Variants in MRPL30 observed in about 807,000 individuals in gnomAD.
MRPL30 encodes the protein large ribosomal subunit protein uL30m.
Under a neutral mutation model 17.2 loss-of-function variants are expected in MRPL30, and 10 were observed. The ratio of observed to expected loss-of-function variants is 0.58; its 90% CI spans 0.36 to 0.99. The LOEUF is 0.99. Among genes scored for constraint, MRPL30 ranks in the 50% least tolerant of loss-of-function variants. The pLI, the probability that MRPL30 is intolerant of heterozygous loss-of-function variation, is 0.01. For missense variants in MRPL30, 170 were observed against 189.8 expected, an observed-to-expected ratio of 0.90 and a Z score of 0.61; for synonymous variants, 61 against 62.1, an observed-to-expected ratio of 0.98 and a Z score of 0.08.
chr2:99,181,750 A>G (rs2093922562), intron 1 of MRPL30, among the ~76,000 whole-genome samples: 1 of 152,120 alleles, frequency 6.6e-6, no homozygotes, highest in Non-Finnish European at 1.5e-5. Flanking sequence ...AGACCTACCA[A>G]AAGCTGTTTG....
intron 3 of MRPL30, among the ~76,000 whole-genome samples, chr2:99,190,539 C>T (rs2093943175): frequency 6.6e-6 from 1 of 152,186 alleles, no homozygotes; most frequent in South Asian, 2.1e-4. Flanking sequence ...GCCTGGGCAA[C>T]AGAGTGAGAC....
chr2:99,195,864 C>G lies in MRPL30; in HGVS notation c.*159C>G, dbSNP rs1043667532. The G allele has an allele frequency of 8.1e-6, 8 of 989,688 alleles. No individual in the cohort carries two copies. The African/African-American group carries it at 1.3e-4, about 17-fold the overall frequency. 61.3% of individuals were successfully genotyped at this position (989,688 alleles called of 1,614,324 possible). A position where few individuals can be genotyped will look rare whatever the true frequency, so the allele number is the denominator to read the frequency against. On this transcript the variant is annotated 3_prime_UTR_variant, in exon 6 of 6. Coordinates refer to ENST00000338148, the MANE Select transcript of MRPL30 (RefSeq NM_145212.4). ...TGGGAGGCCAAGGCGGGCAGATCAC[C>G]TGAGGTCAAGAGTTCGAGACCAGCC...
At chr2:99,186,418 T>G (rs570707755) in intron 2 of MRPL30, among the ~76,000 whole-genome samples, 164 bp downstream of exon 2, 1 of 152,260 alleles carries the variant, frequency 6.6e-6, no homozygotes, top group South Asian at 2.1e-4. Flanking sequence ...CTGTAGTCTC[T>G]GCCTCCCTGA....
At chr2:99,186,135 A>C in intron 1 of MRPL30, 42 bp from the exon 2 acceptor site, 10 of 1,398,116 alleles carry the variant, frequency 7.2e-6, no homozygotes, top group Non-Finnish European at 1.0e-5. Flanking sequence ...GTTCATTTCC[A>C]AGACATAGTT....
At position 99,195,789 on chromosome 2, in the gene MRPL30, A is replaced by G; in HGVS notation, c.*84A>G. ...AGTGTTTTCATTAAAATATGTTTTC[A>G]AAACCATTTTCAGGCCGGGCACGGT... On this transcript the variant is annotated 3_prime_UTR_variant, in exon 6 of 6. Transcript: ENST00000338148. 6.3e-7 allele frequency: 1 copy of G among 1,593,758 alleles called. No individual in the cohort carries two copies.
chr2:99,195,393 A>T (rs1245962705), intron 5 of MRPL30, 180 bp from the exon 6 acceptor site: 1 of 805,924 alleles, frequency 1.2e-6, no homozygotes, highest in Non-Finnish European at 1.9e-6. Context: ...TAGTGATCCG[A>T]TCAGGGTAAT....
intron 2 of MRPL30, among the ~76,000 whole-genome samples, chr2:99,187,777 G>A (rs1306034272): frequency 5.3e-5 from 8 of 151,874 alleles, no homozygotes; most frequent in Admixed American, 3.3e-4. Flanking sequence ...GCAGTGAGCC[G>A]AGATTGCGCC....
chr2:99,189,905 A>G (rs1211445485), intron 3 of MRPL30, among the ~76,000 whole-genome samples: 2 of 151,600 alleles, frequency 1.3e-5, no homozygotes, highest in Non-Finnish European at 2.9e-5. Flanking sequence ...GAAACTCTAT[A>G]TCCACTAAAT....
intron 3 of MRPL30, 36 bp from the exon 4 acceptor site, chr2:99,194,715 T>C: frequency 6.4e-7 from 1 of 1,553,614 alleles, no homozygotes; most frequent in South Asian, 1.2e-5. Flanking sequence ...ACTGTGTAAG[T>C]TGGAAATTTA....
intron 3 of MRPL30, among the ~76,000 whole-genome samples, chr2:99,188,980 C>T (rs949379250): frequency 1.3e-5 from 2 of 152,132 alleles, no homozygotes; most frequent in African/African-American, 2.4e-5. Context: ...GGATTACAGG[C>T]GCCTGGCCTG....
chr2:99,187,718 T>C (rs563897245), intron 2 of MRPL30, among the ~76,000 whole-genome samples: 8 of 152,080 alleles, frequency 5.3e-5, no homozygotes, highest in African/African-American at 1.9e-4. Context: ...GTCCCAGCTA[T>C]TCAGAAGGCT....
At chr2:99,186,708 C>A (rs1490120968) in intron 2 of MRPL30, among the ~76,000 whole-genome samples, 8 of 152,088 alleles carry the variant, frequency 5.3e-5, no homozygotes, top group Non-Finnish European at 8.8e-5. Flanking sequence ...CAAAAAAGAT[C>A]TTTTTCTGGA....
Position 99,198,736 on chromosome 2 carries a change from G to T in MRPL30, c.*3031G>T, listed in dbSNP as rs1405150450. ...ATATCATCACTTCAAAACCCTATAA[G>T]GGTTTGTTCCTCGGTCTTGACTTTG... On this transcript the variant is annotated 3_prime_UTR_variant, in exon 6 of 6. Coordinates refer to ENST00000338148, the MANE Select transcript of MRPL30 (RefSeq NM_145212.4). 6.6e-6 allele frequency among the ~76,000 whole-genome samples: 1 copy of T among 152,148 alleles called. No individual in the cohort carries two copies. The highest frequency in any genetic ancestry group is 1.9e-4 in the East Asian group (1 of 5,186).
intron 3 of MRPL30, among the ~76,000 whole-genome samples, chr2:99,193,968 G>T (rs753808763): frequency 2.0e-5 from 3 of 149,628 alleles, no homozygotes; most frequent in Admixed American, 6.7e-5. Flanking sequence ...AACCTTGGGG[G>T]CAGAGGTTGC....
intron 3 of MRPL30, among the ~76,000 whole-genome samples, chr2:99,190,922 A>G (rs773920685): frequency 6.6e-6 from 1 of 152,236 alleles, no homozygotes; most frequent in African/African-American, 2.4e-5. Context: ...AACTTTAAAT[A>G]AAATAAATGT....
intron 5 of MRPL30, 23 bp downstream of exon 5, chr2:99,195,212 T>C (rs2105249935): frequency 6.4e-7 from 1 of 1,574,662 alleles, no homozygotes; most frequent in Non-Finnish European, 8.7e-7. Context: ...TTCTCAGCTC[T>C]TTTTAAAATG....
At chr2:99,195,308 GTT>G in intron 5 of MRPL30, 119 bp downstream of exon 5, 1 of 976,962 alleles carries the variant, frequency 1.0e-6, no homozygotes, top group Non-Finnish European at 1.5e-6. Flanking sequence ...ATTTTATTTT[GTT>G]TTTTTTTAAT....
At chr2:99,192,600 GT>G (rs1467943024) in intron 3 of MRPL30, among the ~76,000 whole-genome samples, 1 of 152,200 alleles carries the variant, frequency 6.6e-6, no homozygotes, top group Non-Finnish European at 1.5e-5. Flanking sequence ...ATTCCATGGT[GT>G]ATATGTACCA....
chr2:99,191,601 G>A (rs903944765), intron 3 of MRPL30, among the ~76,000 whole-genome samples: 1 of 152,074 alleles, frequency 6.6e-6, no homozygotes, highest in Non-Finnish European at 1.5e-5. Context: ...TCCCATATCA[G>A]TCCTTTTTCT....
Sources: gnomAD v4.1 joint callset for allele counts (sites outside exome capture counted in the v4.1 genomes callset) on GRCh38, gnomAD v4.1.1 for gene constraint, MANE v1.5 for transcripts, NCBI Gene and HGNC (gene_info 2026-07-23, HGNC 2026-07-21) for gene names.